ATP10D: variants seen among roughly 807,000 people sequenced by gnomAD.
The protein encoded by ATP10D is phospholipid-transporting ATPase VD.
ATP10D carries 89 observed loss-of-function variants against 144.8 expected under a neutral mutation model. The ratio of observed to expected loss-of-function variants is 0.61; its 90% CI spans 0.52 to 0.73. The LOEUF (loss-of-function observed/expected upper bound fraction) is 0.73. ATP10D is among the 30% of genes least tolerant of loss of function. The probability of loss-of-function intolerance (pLI) is 0.00; values close to 1 mark genes in which losing one functional copy is unlikely to be tolerated. For missense variants in ATP10D, 1,603 were observed against 1,714.8 expected (o/e 0.93, Z 1.15); for synonymous variants, 571 against 615.1 (o/e 0.93, Z 1.06).
At chr4:47,507,678 A>G (rs191046354) in intron 1 of ATP10D, among the ~76,000 whole-genome samples, 32 of 152,360 alleles carry the variant, frequency 2.1e-4, no homozygotes, top group African/African-American at 7.7e-4. Context: ...TTGGCCAAGC[A>G]CTGGACAGAT....
chr4:47,486,308 T>C (rs571432431), intron 1 of ATP10D, among the ~76,000 whole-genome samples: 5 of 152,396 alleles, frequency 3.3e-5, no homozygotes, highest in African/African-American at 9.6e-5. Context: ...CTTATCATGC[T>C]AGCTCAGGTT....
chr4:47,529,635 G>C (rs548303158), intron 5 of ATP10D, among the ~76,000 whole-genome samples: 1 of 151,710 alleles, frequency 6.6e-6, no homozygotes, highest in Non-Finnish European at 1.5e-5. Flanking sequence ...ACTTTTTTTT[G>C]GTTCCTTATG....
intron 21 of ATP10D, among the ~76,000 whole-genome samples, chr4:47,586,392 A>G (rs79924943): frequency 0.045 from 6,786 of 152,314 alleles, 531 homozygotes; most frequent in African/African-American, 0.15. Flanking sequence ...AGAAGCAACC[A>G]TCCTCTCAGA....
chr4:47,587,057 G>C lies in ATP10D; in HGVS notation c.3792G>C (p.Leu1264Phe), dbSNP rs200363788. The change falls in exon 22 of 23, where the codon TTG (leucine) becomes TTC (phenylalanine). Residue 1264 changes from leucine to phenylalanine, a missense_variant. By Grantham distance (22) the Leu-to-Phe change is conservative. Coordinates refer to ENST00000273859, the MANE Select transcript of ATP10D (RefSeq NM_020453.4). ...TGCTGGTCATCATTGGTAGCATCTTGTCTTATTTTTTATTTGCCATAGTTT... is the reference window on the plus strand; with the variant it reads ...TGCTGGTCATCATTGGTAGCATCTTCTCTTATTTTTTATTTGCCATAGTTT... ...IHLLVIIGSI[L>F]SYFLFAIVFG... 74 of 1,613,970 alleles carry C rather than the reference G, an allele frequency of 4.6e-5. 1 individual carries two copies. In the Admixed American group the frequency reaches 9.2e-4, roughly 20 times the overall value.
In ATP10D at chr4:47,587,268, C is replaced by A. The variant is rs1261868038; in HGVS notation, c.3941+62C>A. The A allele has an allele frequency of 3.6e-5, 52 of 1,447,914 alleles. No homozygotes were observed. The East Asian group carries it at 1.1e-3, about 32-fold the overall frequency. The allele number at this position is 1,447,914 out of a possible 1,614,324, so 89.7% of individuals were successfully genotyped here. On this transcript the variant is annotated intron_variant, in intron 22 of 22. Coordinates refer to ENST00000273859, the MANE Select transcript of ATP10D (RefSeq NM_020453.4). Reference sequence around the variant, plus strand: ...AATCATAGGCTAAGAATCCTTCAAGCAACTACACTACTACGAATGGTTGGC... The same window carrying A: ...AATCATAGGCTAAGAATCCTTCAAGAAACTACACTACTACGAATGGTTGGC...
chr4:47,540,298 A>G (rs1288860736), intron 9 of ATP10D, among the ~76,000 whole-genome samples: 1 of 152,174 alleles, frequency 6.6e-6, no homozygotes, highest in African/African-American at 2.4e-5. Flanking sequence ...CCTCTCACAC[A>G]TGGAATTGCA....
Position 47,540,628 on chromosome 4 carries a change from C to T in ATP10D, c.1396+3690C>T, listed in dbSNP as rs150393717. ...GGAGGGTTCCAGCATGCCCTCATGCCGTTTCCCCTGCTGTTATCATCTTGC... is the reference window on the plus strand; with the variant it reads ...GGAGGGTTCCAGCATGCCCTCATGCTGTTTCCCCTGCTGTTATCATCTTGC... On this transcript the variant is annotated intron_variant, in intron 9 of 22. Transcript: ENST00000273859. Among the ~76,000 whole-genome samples the T allele has an allele frequency of 1.8e-3, 278 of 152,206 alleles. 2 individuals carry two copies. Among genetic ancestry groups the T allele is most frequent in the African/African-American group, 6.0e-3 (249 of 41,520 alleles).
intron 9 of ATP10D, among the ~76,000 whole-genome samples, chr4:47,538,734 A>G (rs977963950): frequency 3.6e-4 from 55 of 152,202 alleles, no homozygotes; most frequent in Non-Finnish European, 1.5e-4. Context: ...AGGTCCTTGC[A>G]TTCTTGCTGC....
At chr4:47,488,612 C>CAAAAAAAAAAAA (rs56859197) in intron 1 of ATP10D, among the ~76,000 whole-genome samples, 10 of 91,314 alleles carry the variant, frequency 1.1e-4, no homozygotes, top group African/African-American at 2.3e-4. Flanking sequence ...ATATAATAAG[C>CAAAAAAAAAAAA]AAAAAAAAAA....
At chr4:47,575,159 A>G (rs886769295) in intron 18 of ATP10D, among the ~76,000 whole-genome samples, 3 of 152,096 alleles carry the variant, frequency 2.0e-5, no homozygotes, top group Non-Finnish European at 2.9e-5. Flanking sequence ...CTAAGCCCTA[A>G]GGTAGTATAA....
At chr4:47,486,987 T>C (rs1714793278) in intron 1 of ATP10D, among the ~76,000 whole-genome samples, 1 of 152,064 alleles carries the variant, frequency 6.6e-6, no homozygotes, top group South Asian at 2.1e-4. Context: ...TCCCAACACT[T>C]TGGGAGGCCG....
chr4:47,559,211 C>CT (rs1719151379), intron 13 of ATP10D, among the ~76,000 whole-genome samples, 182 bp downstream of exon 13: 1 of 152,128 alleles, frequency 6.6e-6, no homozygotes, highest in South Asian at 2.1e-4. Flanking sequence ...AAGTATTTTG[C>CT]TACAAGGATC....
chr4:47,518,504 T>C (rs1452652364), intron 3 of ATP10D, among the ~76,000 whole-genome samples: 3 of 152,200 alleles, frequency 2.0e-5, no homozygotes, highest in Non-Finnish European at 2.9e-5. Context: ...TGCTATGTGG[T>C]AAGCACTGAG....
intron 14 of ATP10D, among the ~76,000 whole-genome samples, chr4:47,561,648 C>A (rs1387384608): frequency 6.6e-6 from 1 of 152,144 alleles, no homozygotes; most frequent in African/African-American, 2.4e-5. Context: ...CTGATTTCAA[C>A]TAAAATTGCA....
chr4:47,510,551 G>A (rs2109398599), intron 1 of ATP10D, among the ~76,000 whole-genome samples: 1 of 152,304 alleles, frequency 6.6e-6, no homozygotes, highest in East Asian at 1.9e-4. Flanking sequence ...GGAACTGAGT[G>A]ACTTGGGGAA....
intron 19 of ATP10D, among the ~76,000 whole-genome samples, chr4:47,577,368 T>G (rs1247568550): frequency 6.6e-6 from 1 of 152,218 alleles, no homozygotes; most frequent in Non-Finnish European, 1.5e-5. Context: ...GGTTAAGTAA[T>G]TTTTCAAGAA....
intron 12 of ATP10D, 42 bp downstream of exon 12, chr4:47,558,315 T>C: frequency 6.3e-7 from 1 of 1,584,452 alleles, no homozygotes; most frequent in East Asian, 2.2e-5. Flanking sequence ...TTTGAAAAGC[T>C]CGGAGATTAA....
chr4:47,550,963 A>C (rs897194920), intron 10 of ATP10D, among the ~76,000 whole-genome samples: 1 of 152,228 alleles, frequency 6.6e-6, no homozygotes, highest in African/African-American at 2.4e-5. Flanking sequence ...CTCCCATACA[A>C]AGGGAGGGAA....
intron 1 of ATP10D, among the ~76,000 whole-genome samples, chr4:47,497,508 T>C (rs924460350): frequency 6.6e-6 from 1 of 152,098 alleles, no homozygotes; most frequent in African/African-American, 2.4e-5. Context: ...AGGGTGATAC[T>C]GAAACAATGG....
Sources: allele counts gnomAD v4.1 joint callset (sites outside exome capture counted in the v4.1 genomes callset), GRCh38; gene constraint gnomAD v4.1.1; transcripts MANE v1.5; gene names NCBI Gene and HGNC (gene_info 2026-07-23, HGNC 2026-07-21).